CACHD1: variants seen among roughly 807,000 people sequenced by gnomAD.
The protein encoded by CACHD1 is cache domain containing 1, also known as VWFA and cache domain-containing protein 1.
In CACHD1, 71 loss-of-function variants were observed where a neutral mutation model predicts 138.7. The ratio of observed to expected loss-of-function variants is 0.51; its 90% CI spans 0.42 to 0.62. The LOEUF (loss-of-function observed/expected upper bound fraction) is 0.62. Ranked by LOEUF, CACHD1 falls within the 20% of genes least tolerant of loss-of-function variation. The probability of loss-of-function intolerance (pLI) is 0.00; values close to 1 mark genes in which losing one functional copy is unlikely to be tolerated. For synonymous variants in CACHD1, 578 were observed against 591.5 expected, an observed-to-expected ratio of 0.98 and a Z score of 0.33; for missense variants, 1,389 against 1,625.3, an observed-to-expected ratio of 0.85 and a Z score of 2.50.
At chr1:64,647,417 A>C (rs1648945233) in intron 8 of CACHD1, among the ~76,000 whole-genome samples, 1 of 152,246 alleles carries the variant, frequency 6.6e-6, no homozygotes, top group African/African-American at 2.4e-5. Flanking sequence ...AGTTTCATCT[A>C]CTACATTAAA....
chr1:64,571,683 CAAAG>C (rs1399456266), intron 2 of CACHD1, among the ~76,000 whole-genome samples: 2 of 152,166 alleles, frequency 1.3e-5, no homozygotes, highest in Non-Finnish European at 2.9e-5. Flanking sequence ...GATATTCTCT[CAAAG>C]AAGCCCTTGA....
intron 1 of CACHD1, among the ~76,000 whole-genome samples, chr1:64,538,982 A>G (rs1421437947): frequency 6.6e-6 from 1 of 152,206 alleles, no homozygotes; most frequent in East Asian, 1.9e-4. Flanking sequence ...TGCAAGTGCT[A>G]TAGGGATTGC....
intron 13 of CACHD1, 125 bp downstream of exon 13, chr1:64,658,998 G>A (rs1649353986): frequency 1.2e-6 from 1 of 804,498 alleles, no homozygotes; most frequent in Non-Finnish European, 1.8e-6. Context: ...GCTGGTTTGG[G>A]GATACAAATA....
chr1:64,666,069 A>T lies in CACHD1; in HGVS notation c.2289A>T (p.Ala763=). The T allele has an allele frequency of 6.3e-7, 1 of 1,599,108 alleles. No individual in the cohort carries two copies. Among genetic ancestry groups the T allele is most frequent in the Non-Finnish European group, 8.6e-7 (1 of 1,167,854 alleles). ...DPTRRQWYLH[A]VANPGLISLT... ...TGGTCTCCATTAGGTATCTCCATGC[A>T]GTAGCTAATCCAGGGTTGATTTCTT... Residue 763 remains alanine (A), a synonymous_variant, in exon 16 of 27, where the codon GCA becomes GCT. Coordinates refer to ENST00000651257, the MANE Select transcript of CACHD1 (RefSeq NM_020925.4).
At chr1:64,550,794 A>T in intron 2 of CACHD1, 138 bp downstream of exon 2, 1 of 601,676 alleles carries the variant, frequency 1.7e-6, no homozygotes, top group Non-Finnish European at 3.0e-6. Flanking sequence ...CTCATGCATA[A>T]TGGTGACAAC....
chr1:64,579,919 TAA>T (rs5774708), intron 2 of CACHD1: 54 of 148,750 alleles, frequency 3.6e-4, no homozygotes, highest in Middle Eastern at 1.8e-3. Context: ...AGCCAGATGT[TAA>T]AAAAAAAAAA....
intron 26 of CACHD1, among the ~76,000 whole-genome samples, chr1:64,687,299 A>G (rs755467018): frequency 1.6e-4 from 25 of 152,162 alleles, no homozygotes; most frequent in Non-Finnish European, 3.4e-4. Flanking sequence ...TGAATACGAA[A>G]ATGTGTTTGT....
intron 16 of CACHD1, among the ~76,000 whole-genome samples, chr1:64,668,949 A>G (rs974434801): frequency 6.6e-6 from 1 of 152,084 alleles, no homozygotes; most frequent in Admixed American, 6.5e-5. Context: ...CCCTCCTAAC[A>G]CATGGTTCTA....
At chr1:64,683,352 G>A (rs1570482177) in intron 26 of CACHD1, among the ~76,000 whole-genome samples, 1 of 152,134 alleles carries the variant, frequency 6.6e-6, no homozygotes, top group Non-Finnish European at 1.5e-5. Flanking sequence ...CTGCTGCCAG[G>A]CAGTTCTGTG....
intron 4 of CACHD1, among the ~76,000 whole-genome samples, chr1:64,612,431 T>C (rs1385369326): frequency 6.6e-6 from 1 of 152,210 alleles, no homozygotes; most frequent in East Asian, 1.9e-4. Flanking sequence ...TAATGTTTAT[T>C]GAATTAATGT....
chr1:64,518,250 G>A (rs1646473091), intron 1 of CACHD1, among the ~76,000 whole-genome samples: 1 of 151,838 alleles, frequency 6.6e-6, no homozygotes, highest in Non-Finnish European at 1.5e-5. Flanking sequence ...CATGGGGATG[G>A]AAAACATTTC....
intron 1 of CACHD1, among the ~76,000 whole-genome samples, chr1:64,528,341 T>C (rs953879851): frequency 6.6e-6 from 1 of 152,228 alleles, no homozygotes; most frequent in Non-Finnish European, 1.5e-5. Context: ...CTGCAAAGCA[T>C]CCTTAAAAAT....
At chr1:64,643,407 G>A (rs1037369476) in intron 8 of CACHD1, among the ~76,000 whole-genome samples, 7 of 152,210 alleles carry the variant, frequency 4.6e-5, no homozygotes, top group African/African-American at 1.7e-4. Context: ...CTTATGGCAA[G>A]TTACTTAATC....
intron 1 of CACHD1, among the ~76,000 whole-genome samples, chr1:64,545,985 TA>T (rs1245640988): frequency 3.3e-5 from 5 of 152,254 alleles, no homozygotes; most frequent in Non-Finnish European, 7.3e-5. Flanking sequence ...ATCTGTTCAC[TA>T]TATAATAAAA....
intron 3 of CACHD1, among the ~76,000 whole-genome samples, chr1:64,598,946 A>AT (rs1647187812): frequency 6.8e-6 from 1 of 146,532 alleles, no homozygotes; most frequent in African/African-American, 2.5e-5. Context: ...TAATATTAAT[A>AT]TATATTAATA....
chr1:64,564,034 A>G (rs1429285031), intron 2 of CACHD1, among the ~76,000 whole-genome samples: 1 of 152,186 alleles, frequency 6.6e-6, no homozygotes, highest in East Asian at 1.9e-4. Flanking sequence ...ACCCCAAAAT[A>G]TTACTTTGAA....
intron 22 of CACHD1, among the ~76,000 whole-genome samples, chr1:64,677,650 T>C (rs1295409142): frequency 1.3e-5 from 2 of 152,230 alleles, no homozygotes; most frequent in African/African-American, 4.8e-5. Flanking sequence ...TAGCCCCAAG[T>C]CAATTAAGTT....
chr1:64,631,974 AG>A (rs2100639504), intron 5 of CACHD1, among the ~76,000 whole-genome samples: 1 of 152,190 alleles, frequency 6.6e-6, no homozygotes, highest in African/African-American at 2.4e-5. Flanking sequence ...TGCCATTCAA[AG>A]CTGCTCAGCA....
intron 4 of CACHD1, among the ~76,000 whole-genome samples, chr1:64,605,711 G>A (rs778137616): frequency 3.9e-5 from 6 of 152,108 alleles, no homozygotes; most frequent in Non-Finnish European, 5.9e-5. Flanking sequence ...TCAGTGGGTC[G>A]GTCAGATCTT....
Sources: gnomAD v4.1 joint callset for allele counts (sites outside exome capture counted in the v4.1 genomes callset) on GRCh38, gnomAD v4.1.1 for gene constraint, MANE v1.5 for transcripts, NCBI Gene and HGNC (gene_info 2026-07-23, HGNC 2026-07-21) for gene names.